ADGRG6: variants seen among roughly 807,000 people sequenced by gnomAD.
ADGRG6 encodes G-protein coupled receptor 126.
Under a neutral mutation model 142.4 loss-of-function variants are expected in ADGRG6, and 84 were observed. The ratio of observed to expected loss-of-function variants is 0.59; its 90% CI spans 0.49 to 0.71. ADGRG6 has a LOEUF of 0.71. Among genes scored for constraint, ADGRG6 ranks in the 30% least tolerant of loss-of-function variants. The probability of loss-of-function intolerance (pLI) is 0.00; values close to 1 mark genes in which losing one functional copy is unlikely to be tolerated. For synonymous variants in ADGRG6, 521 were observed against 520.5 expected, an observed-to-expected ratio of 1.00 and a Z score of -0.01; for missense variants, 1,367 against 1,466.6, an observed-to-expected ratio of 0.93 and a Z score of 1.11.
At chr6:142,435,143 G>T (rs1777420695) in intron 22 of ADGRG6, among the ~76,000 whole-genome samples, 3 of 152,210 alleles carry the variant, frequency 2.0e-5, no homozygotes, top group Admixed American at 2.0e-4. Context: ...ACTGTCATAA[G>T]TTTTACATTT....
At chr6:142,335,212 G>A (rs1179300295) in intron 2 of ADGRG6, among the ~76,000 whole-genome samples, 2 of 152,206 alleles carry the variant, frequency 1.3e-5, no homozygotes, top group African/African-American at 4.8e-5. Flanking sequence ...TTCAGGTTTA[G>A]ATGTTTGGTT....
At chr6:142,338,299 C>T (rs1044718240) in intron 2 of ADGRG6, among the ~76,000 whole-genome samples, 6 of 151,316 alleles carry the variant, frequency 4.0e-5, no homozygotes, top group African/African-American at 9.7e-5. Context: ...TGAGCCACCG[C>T]GCCCGGCCTA....
intron 4 of ADGRG6, among the ~76,000 whole-genome samples, chr6:142,371,153 A>G (rs1316695107): frequency 6.6e-6 from 1 of 151,498 alleles, no homozygotes; most frequent in Non-Finnish European, 1.5e-5. Flanking sequence ...AAAGAAATTA[A>G]TAAGTAAGTT....
intron 22 of ADGRG6, among the ~76,000 whole-genome samples, chr6:142,422,055 C>T (rs1776676453): frequency 6.6e-6 from 1 of 152,202 alleles, no homozygotes; most frequent in African/African-American, 2.4e-5. Flanking sequence ...GCAGTATATG[C>T]TTTGTTAAAA....
chr6:142,353,097 A>G (rs1268824799), intron 2 of ADGRG6, among the ~76,000 whole-genome samples: 2 of 152,156 alleles, frequency 1.3e-5, no homozygotes, highest in African/African-American at 4.8e-5. Flanking sequence ...TTGGAGATAT[A>G]CACTTGCTGT....
At position 142,302,106 on chromosome 6, in the gene ADGRG6, C is replaced by T; in HGVS notation, c.-224C>T. The T allele has an allele frequency of 1.9e-6, 1 of 538,486 alleles. No homozygotes were observed. The highest frequency in any genetic ancestry group is 2.8e-5 in the South Asian group (1 of 35,784). The allele number at this position is 538,486 out of a possible 1,614,324, so 33.4% of individuals were successfully genotyped here. On this transcript the variant is annotated 5_prime_UTR_variant, in exon 1 of 25. Coordinates refer to ENST00000367609, the MANE Select transcript of ADGRG6 (RefSeq NM_198569.3). ...CGAGGAGGGACCTGCCGCCAGCCTG[C>T]TTCCTCGTCCGCAGGCCCTGCGCTG...
In ADGRG6 at chr6:142,370,726, C is replaced by T. The variant is rs1458294505; in HGVS notation, c.1002C>T (p.Val334=). 1.3e-5 allele frequency: 21 copies of T among 1,613,414 alleles called. No individual in the cohort carries two copies. The highest frequency in any genetic ancestry group is 2.2e-5 in the South Asian group (2 of 91,066). The change falls in exon 4 of 25, where the codon GTC becomes GTT. Residue 334 remains valine, a synonymous_variant. Coordinates refer to ENST00000367609, the MANE Select transcript of ADGRG6 (RefSeq NM_198569.3). ...NLSCNVKGNV[V]DWQNDFWNIP... is the part of the protein sequence containing the mutation. ...GCTGTAATGTGAAAGGGAATGTAGT[C>T]GACTGGCAAAATGACTTCTGGAATA...
intron 2 of ADGRG6, among the ~76,000 whole-genome samples, chr6:142,360,008 G>A (rs759550714): frequency 6.6e-6 from 1 of 152,168 alleles, no homozygotes; most frequent in African/African-American, 2.4e-5. Context: ...AAGAGAGAAA[G>A]GATGAGAACC....
chr6:142,381,182 A>G (rs1010158809), intron 4 of ADGRG6, among the ~76,000 whole-genome samples: 2 of 152,204 alleles, frequency 1.3e-5, no homozygotes. Context: ...TGAAATATTT[A>G]TTAGAATAAA....
chr6:142,318,948 G>T (rs1188855629), intron 2 of ADGRG6, among the ~76,000 whole-genome samples: 2 of 152,104 alleles, frequency 1.3e-5, no homozygotes, highest in Non-Finnish European at 2.9e-5. Context: ...GTCCCCACTA[G>T]CTACAGTTCT....
At chr6:142,436,721 A>G (rs1349271956) in intron 22 of ADGRG6, among the ~76,000 whole-genome samples, 5 of 152,178 alleles carry the variant, frequency 3.3e-5, no homozygotes, top group African/African-American at 1.2e-4. Context: ...CCTCAAGGAG[A>G]GGTTTAAAAT....
chr6:142,380,785 A>C (rs1019352849), intron 4 of ADGRG6, among the ~76,000 whole-genome samples: 3 of 152,134 alleles, frequency 2.0e-5, no homozygotes, highest in African/African-American at 7.2e-5. Flanking sequence ...GCACTTCCCT[A>C]ATAGCACTTA....
chr6:142,307,614 G>A (rs866881681), intron 1 of ADGRG6, among the ~76,000 whole-genome samples: 1 of 152,090 alleles, frequency 6.6e-6, no homozygotes, highest in Middle Eastern at 3.4e-3. Flanking sequence ...AAGACTAAGG[G>A]TTTAAGTACT....
chr6:142,303,418 G>GA (rs527935142), intron 1 of ADGRG6, among the ~76,000 whole-genome samples: 79 of 152,270 alleles, frequency 5.2e-4, no homozygotes, highest in African/African-American at 1.6e-3. Context: ...AGAAAGAAAG[G>GA]ATAGTGCCCA....
At chr6:142,347,232 C>T (rs1779948303) in intron 2 of ADGRG6, among the ~76,000 whole-genome samples, 1 of 152,104 alleles carries the variant, frequency 6.6e-6, no homozygotes. Flanking sequence ...TGAAAGTTTG[C>T]TTATAGTCAG....
At chr6:142,419,510 A>G (rs988026221) in intron 21 of ADGRG6, among the ~76,000 whole-genome samples, 5 of 152,302 alleles carry the variant, frequency 3.3e-5, no homozygotes, top group Admixed American at 3.3e-4. Context: ...CCCAAAAGAA[A>G]AGGAGGTTAG....
intron 2 of ADGRG6, among the ~76,000 whole-genome samples, chr6:142,365,579 C>T (rs1489406088): frequency 6.6e-6 from 1 of 152,138 alleles, no homozygotes; most frequent in Non-Finnish European, 1.5e-5. Context: ...AGCAGAGGAA[C>T]ATGGTGCTCC....
chr6:142,444,997 C>T lies in ADGRG6; in HGVS notation c.*1482C>T, dbSNP rs186692344. 6.6e-6 allele frequency: 1 copy of T among 152,308 alleles called. No individual in the cohort carries two copies. The highest frequency in any genetic ancestry group is 6.5e-5 in the Admixed American group (1 of 15,276). The allele number at this position is 152,308 out of a possible 1,614,324, so 9.4% of individuals were successfully genotyped here. ...ACCTGGAACCTAGAGGCCTTTCTCT[C>T]TGCACGAAAAACAGGTAGTTTGCAG... On this transcript the variant is annotated 3_prime_UTR_variant, in exon 25 of 25. Coordinates refer to ENST00000367609, the MANE Select transcript of ADGRG6 (RefSeq NM_198569.3).
rs375095387 is a variant in ADGRG6 at position 142,443,531 on chromosome 6, G to A, written c.*16G>A. 6.4e-7 allele frequency: 1 copy of A among 1,570,818 alleles called. No homozygotes were observed. On this transcript the variant is annotated 3_prime_UTR_variant, in exon 25 of 25. Coordinates refer to ENST00000367609, the MANE Select transcript of ADGRG6 (RefSeq NM_198569.3). Reference sequence around the variant, plus strand: ...AAAGTTTTAATGTCTTTAAGAAAAAGAAATCAATCTGCAGAAATGTGAAGA... The same window carrying A: ...AAAGTTTTAATGTCTTTAAGAAAAAAAAATCAATCTGCAGAAATGTGAAGA...
Sources: gnomAD v4.1 joint callset for allele counts (sites outside exome capture counted in the v4.1 genomes callset) on GRCh38, gnomAD v4.1.1 for gene constraint, MANE v1.5 for transcripts, NCBI Gene and HGNC (gene_info 2026-07-23, HGNC 2026-07-21) for gene names.